Variants in PDE8B observed in about 807,000 individuals in gnomAD.
PDE8B encodes phosphodiesterase 8B, also known as high affinity cAMP-specific and IBMX-insensitive 3',5'-cyclic phosphodiesterase 8B.
A neutral mutation model predicts 101.3 loss-of-function variants in PDE8B; 26 were observed. The ratio of observed to expected loss-of-function variants is 0.26; its 90% CI spans 0.19 to 0.36. The LOEUF is 0.36. Ranked by LOEUF, PDE8B falls within the 10% of genes least tolerant of loss-of-function variation. PDE8B has a pLI of 1.00. For missense variants in PDE8B, 810 were observed against 1,163.1 expected, an observed-to-expected ratio of 0.70 and a Z score of 4.42; for synonymous variants, 424 against 429.3, an observed-to-expected ratio of 0.99 and a Z score of 0.15.
chr5:77,335,194 A>G lies in PDE8B; in HGVS notation c.709-2033A>G, dbSNP rs536649895. On this transcript the variant is annotated intron_variant, in intron 5 of 21. Coordinates refer to ENST00000264917, the MANE Select transcript of PDE8B (RefSeq NM_003719.5). Reference sequence around the variant, plus strand: ...CAAAACAGTGTCGTGATATACATACATATCTTTCTATGTTATTCCAGCATT... The same window carrying G: ...CAAAACAGTGTCGTGATATACATACGTATCTTTCTATGTTATTCCAGCATT... Among the ~76,000 whole-genome samples the G allele has an allele frequency of 2.3e-3, 351 of 152,278 alleles. 2 individuals carry two copies. The highest frequency in any genetic ancestry group is 8.1e-3 in the African/African-American group (338 of 41,542).
At position 77,268,881 on chromosome 5, in the gene PDE8B, A is replaced by G. The variant is rs867080537; in HGVS notation, c.340-43113A>G. ...TTTATCCAATCATCTGTTGATGGATAGTTAGGTCATTTCCAAATCTTAGCT... is the reference window on the plus strand; with the variant it reads ...TTTATCCAATCATCTGTTGATGGATGGTTAGGTCATTTCCAAATCTTAGCT... On this transcript the variant is annotated intron_variant, in intron 1 of 21. Coordinates refer to ENST00000264917, the MANE Select transcript of PDE8B (RefSeq NM_003719.5). Among the ~76,000 whole-genome samples, 24 of 151,022 alleles carry G rather than the reference A, an allele frequency of 1.6e-4. No homozygotes were observed. The South Asian group carries it at 2.8e-3, about 17-fold the overall frequency.
chr5:77,356,578 C>T (rs113974964), intron 10 of PDE8B, among the ~76,000 whole-genome samples: 7,963 of 152,030 alleles, frequency 0.052, 244 homozygotes, highest in African/African-American at 0.08. Flanking sequence ...TATAGGTTTG[C>T]GCCACAGTGC....
intron 10 of PDE8B, among the ~76,000 whole-genome samples, chr5:77,392,612 G>A (rs1273440073): frequency 6.6e-6 from 1 of 152,166 alleles, no homozygotes; most frequent in African/African-American, 2.4e-5. Flanking sequence ...CAGAACTGAG[G>A]TTATTCAGAA....
Position 77,426,617 on chromosome 5 carries a change from C to T in PDE8B, c.*63C>T, listed in dbSNP as rs62362531. 119,397 of 852,860 alleles carry T rather than the reference C, an allele frequency of 0.14. 9,460 individuals carry two copies. The highest frequency in any genetic ancestry group is 0.17 in the South Asian group (12,352 of 72,956). The allele number at this position is 852,860 out of a possible 1,614,324, so 52.8% of individuals were successfully genotyped here. On this transcript the variant is annotated 3_prime_UTR_variant, in exon 22 of 22. Transcript: ENST00000264917. ...ACACTGTGAATCACAGTAGCGTAAA[C>T]GAGAGGCCTTCCTTTCTAATGACAA...
chr5:77,197,676 G>T, the PDE8B span, among the ~76,000 whole-genome samples: 9 of 128,652 alleles, frequency 7.0e-5, no homozygotes, highest in African/African-American at 2.9e-4. Context: ...TCTGGCTAGC[G>T]GTCTATCAAT....
At chr5:77,142,813 A>G in the PDE8B span, among the ~76,000 whole-genome samples, 1 of 151,496 alleles carries the variant, frequency 6.6e-6, no homozygotes, top group Admixed American at 6.6e-5. Context: ...AACTGCACAG[A>G]TGAGAGTCTT....
the PDE8B span, among the ~76,000 whole-genome samples, chr5:77,185,039 A>G: frequency 4.6e-5 from 7 of 152,284 alleles, no homozygotes; most frequent in South Asian, 1.2e-3. Flanking sequence ...AAACAGAGAC[A>G]GTGGAGAATC....
intron 10 of PDE8B, among the ~76,000 whole-genome samples, chr5:77,378,831 A>G (rs1349368018): frequency 2.0e-5 from 3 of 152,238 alleles, no homozygotes; most frequent in Admixed American, 2.0e-4. Context: ...GTTGGTTTTA[A>G]CAAGCCCTTC....
intron 1 of PDE8B, among the ~76,000 whole-genome samples, chr5:77,239,899 G>A (rs1304238161): frequency 6.6e-6 from 1 of 151,944 alleles, no homozygotes; most frequent in Non-Finnish European, 1.5e-5. Flanking sequence ...ATTATCCCCT[G>A]GGAACACAAT....
intron 1 of PDE8B, among the ~76,000 whole-genome samples, chr5:77,277,935 G>C (rs762863361): frequency 2.0e-5 from 3 of 152,214 alleles, no homozygotes; most frequent in Non-Finnish European, 4.4e-5. Context: ...TACATAGAAT[G>C]TATGCCTATC....
At chr5:77,200,607 TG>T in the PDE8B span, among the ~76,000 whole-genome samples, 1 of 152,240 alleles carries the variant, frequency 6.6e-6, no homozygotes, top group African/African-American at 2.4e-5. Flanking sequence ...TCATTGTTTT[TG>T]TTTTGCAATA....
chr5:77,422,362 A>G (rs1124742), intron 20 of PDE8B, among the ~76,000 whole-genome samples: 46,294 of 152,098 alleles, frequency 0.3, 7,405 homozygotes, highest in South Asian at 0.44. Context: ...CATCGCGGCC[A>G]CGGGGAGTTC....
At chr5:77,328,004 A>G (rs1159678168) in intron 3 of PDE8B, among the ~76,000 whole-genome samples, 1 of 152,212 alleles carries the variant, frequency 6.6e-6, no homozygotes, top group Non-Finnish European at 1.5e-5. Context: ...GGTAGTTCAA[A>G]TACATTAAAG....
the PDE8B span, among the ~76,000 whole-genome samples, chr5:77,187,531 G>T: frequency 6.6e-6 from 1 of 152,112 alleles, no homozygotes; most frequent in South Asian, 2.1e-4. Context: ...TATCTTGTAG[G>T]ACTGTCATTG....
rs151331087 is a variant in PDE8B, at chr5:77,302,565, T to C, written c.340-9429T>C. Reference sequence around the variant, plus strand: ...CACACCGACTTCCCTACCTGCTTCCTCTTTCCATGCTCATTGTTTCTCAGC... The same window carrying C: ...CACACCGACTTCCCTACCTGCTTCCCCTTTCCATGCTCATTGTTTCTCAGC... On this transcript the variant is annotated intron_variant, in intron 1 of 21. Coordinates refer to ENST00000264917, the MANE Select transcript of PDE8B (RefSeq NM_003719.5). 3.5e-4 allele frequency among the ~76,000 whole-genome samples: 53 copies of C among 152,342 alleles called. 1 individual carries two copies. The East Asian group carries it at 0.01, about 29-fold the overall frequency.
the PDE8B span, among the ~76,000 whole-genome samples, chr5:77,196,667 T>C: frequency 6.6e-6 from 1 of 152,210 alleles, no homozygotes; most frequent in Non-Finnish European, 1.5e-5. Flanking sequence ...AAAATCTTTT[T>C]TTCCTTGTCT....
intron 10 of PDE8B, among the ~76,000 whole-genome samples, chr5:77,375,867 T>TACTCACTTTG (rs1053506375): frequency 8.6e-5 from 13 of 151,368 alleles, no homozygotes; most frequent in Non-Finnish European, 1.5e-4. Flanking sequence ...GGAGTGTTAA[T>TACTCACTTTG]ACTCACTTTG....
chr5:77,294,840 T>G (rs1193327377), intron 1 of PDE8B, among the ~76,000 whole-genome samples: 1 of 148,306 alleles, frequency 6.7e-6, no homozygotes, highest in Non-Finnish European at 1.5e-5. Context: ...AAATATATGA[T>G]GATTCATTAT....
At chr5:77,101,157 G>A in the PDE8B span, among the ~76,000 whole-genome samples, 2 of 149,020 alleles carry the variant, frequency 1.3e-5, no homozygotes, top group Admixed American at 1.3e-4. Context: ...TTTTGGTAGA[G>A]GTGGGGTCAT....
Sources: gnomAD v4.1 joint callset for allele counts (sites outside exome capture counted in the v4.1 genomes callset) on GRCh38, gnomAD v4.1.1 for gene constraint, MANE v1.5 for transcripts, NCBI Gene and HGNC (gene_info 2026-07-23, HGNC 2026-07-21) for gene names.